The following TNFRSF11A variants were observed in gnomAD, a reference collection of about 807,000 sequenced individuals.
TNFRSF11A encodes TNF receptor superfamily member 11a, also known as tumor necrosis factor receptor superfamily member 11A.
A neutral mutation model predicts 55.7 loss-of-function variants in TNFRSF11A; 32 were observed. The ratio of observed to expected loss-of-function variants is 0.57; its 90% confidence interval spans 0.43 to 0.77. TNFRSF11A has a LOEUF of 0.77. Among genes scored for constraint, TNFRSF11A ranks in the 30% least tolerant of loss-of-function variants. The pLI is 0.00. For missense variants in TNFRSF11A, 753 were observed against 809.8 expected (o/e 0.93, Z 0.85); for synonymous variants, 311 against 331.0 (o/e 0.94, Z 0.65).
chr18:62,337,792 T>A (rs1206959877), intron 1 of TNFRSF11A, among the ~76,000 whole-genome samples: 4 of 152,230 alleles, frequency 2.6e-5, no homozygotes, highest in African/African-American at 9.7e-5. Flanking sequence ...AAGCCAGGAC[T>A]CTCTCGGTTG....
intron 1 of TNFRSF11A, 49 bp from the exon 2 acceptor site, chr18:62,348,119 C>A: frequency 7.1e-7 from 1 of 1,412,000 alleles, no homozygotes; most frequent in Non-Finnish European, 1.0e-6. Flanking sequence ...CTAGTTTTAT[C>A]CAGAAAGAGC....
intron 1 of TNFRSF11A, among the ~76,000 whole-genome samples, chr18:62,326,633 C>T (rs2046080134): frequency 6.6e-6 from 1 of 152,218 alleles, no homozygotes; most frequent in Non-Finnish European, 1.5e-5. Flanking sequence ...TCTCTCACTG[C>T]TGTCGCAAAA....
At chr18:62,344,833 A>G (rs573217416) in intron 1 of TNFRSF11A, among the ~76,000 whole-genome samples, 1 of 152,344 alleles carries the variant, frequency 6.6e-6, no homozygotes, top group East Asian at 1.9e-4. Flanking sequence ...TCATTCATGC[A>G]CACAAAAAAA....
At chr18:62,381,288 A>G (rs548521023) in intron 9 of TNFRSF11A, among the ~76,000 whole-genome samples, 1 of 152,350 alleles carries the variant, frequency 6.6e-6, no homozygotes, top group South Asian at 2.1e-4. Flanking sequence ...ATGGCATGGA[A>G]TGAAATTCTC....
chr18:62,338,927 C>T (rs963030464), intron 1 of TNFRSF11A, among the ~76,000 whole-genome samples: 6 of 152,172 alleles, frequency 3.9e-5, no homozygotes, highest in Admixed American at 1.3e-4. Context: ...CCCTTTCTCG[C>T]CTCCCGAAAT....
In TNFRSF11A at chr18:62,385,092, G is replaced by GCAGCCTCTGCCC; in HGVS notation, c.*64_*75dup. ...AGCCAGGGCTCGCGAGGGCAGCACC[G>GCAGCCTCTGCCC]CAGCCTCTGCCCCAGCCCCGGCCAC... On this transcript the variant is annotated 3_prime_UTR_variant, in exon 10 of 10. Coordinates refer to ENST00000586569, the MANE Select transcript of TNFRSF11A (RefSeq NM_003839.4). The GCAGCCTCTGCCC allele has an allele frequency of 7.2e-7, 1 of 1,395,464 alleles. No homozygotes were observed. Among genetic ancestry groups the GCAGCCTCTGCCC allele is most frequent in the Non-Finnish European group, 9.2e-7 (1 of 1,084,044 alleles). 86.4% of individuals were successfully genotyped at this position (1,395,464 alleles called of 1,614,324 possible). A position where few individuals can be genotyped will look rare whatever the true frequency, so the allele number is the denominator to read the frequency against.
intron 3 of TNFRSF11A, among the ~76,000 whole-genome samples, chr18:62,351,633 GC>G (rs144856465): frequency 0.043 from 6,606 of 152,220 alleles, 217 homozygotes; most frequent in Admixed American, 0.09. Flanking sequence ...TAAAGTTACT[GC>G]ATTTATCCTG....
At chr18:62,372,545 G>C (rs1169744439) in intron 9 of TNFRSF11A, among the ~76,000 whole-genome samples, 1 of 151,754 alleles carries the variant, frequency 6.6e-6, no homozygotes, top group Non-Finnish European at 1.5e-5. Flanking sequence ...TTAGATTCAG[G>C]GTACATGTGC....
chr18:62,352,398 T>C (rs1196596763), intron 3 of TNFRSF11A, among the ~76,000 whole-genome samples: 1 of 152,254 alleles, frequency 6.6e-6, no homozygotes, highest in Non-Finnish European at 1.5e-5. Context: ...TTTTCTAATG[T>C]GCTGGAGACA....
At chr18:62,352,567 G>T (rs1288990145) in intron 3 of TNFRSF11A, among the ~76,000 whole-genome samples, 2 of 152,174 alleles carry the variant, frequency 1.3e-5, no homozygotes, top group African/African-American at 2.4e-5. Context: ...GTTGATTAAA[G>T]CCAAAAATCT....
chr18:62,360,810 T>A (rs1409496466), intron 6 of TNFRSF11A, among the ~76,000 whole-genome samples: 1 of 152,134 alleles, frequency 6.6e-6, no homozygotes, highest in Non-Finnish European at 1.5e-5. Context: ...GGCTGGTTAC[T>A]TGGTGAGCAG....
At chr18:62,352,452 G>A (rs1305930249) in intron 3 of TNFRSF11A, among the ~76,000 whole-genome samples, 2 of 152,200 alleles carry the variant, frequency 1.3e-5, no homozygotes, top group Non-Finnish European at 2.9e-5. Context: ...AAACTCCACT[G>A]AGCAGAAGCA....
At chr18:62,359,231 C>G (rs1009128690) in intron 5 of TNFRSF11A, among the ~76,000 whole-genome samples, 1 of 151,586 alleles carries the variant, frequency 6.6e-6, no homozygotes, top group South Asian at 2.1e-4. Flanking sequence ...CATTTTTAAA[C>G]AATGAAAATT....
At chr18:62,335,129 A>ATTTTTTTTTTTTTTTTTTTTTTTTT (rs11289576) in intron 1 of TNFRSF11A, among the ~76,000 whole-genome samples, 4 of 140,722 alleles carry the variant, frequency 2.8e-5, no homozygotes, top group Non-Finnish European at 4.6e-5. Context: ...TGGGGTCGGA[A>ATTTTTTTTTTTTTTTTTTTTTTTTT]TTTTTTTTTT....
At chr18:62,355,939 C>T (rs1156899045) in intron 4 of TNFRSF11A, among the ~76,000 whole-genome samples, 2 of 152,146 alleles carry the variant, frequency 1.3e-5, no homozygotes, top group African/African-American at 4.8e-5. Context: ...CTTTCAGTAC[C>T]TTCTGATTTA....
At chr18:62,327,760 T>C (rs2046096540) in intron 1 of TNFRSF11A, among the ~76,000 whole-genome samples, 3 of 152,268 alleles carry the variant, frequency 2.0e-5, no homozygotes, top group African/African-American at 7.2e-5. Flanking sequence ...TTTAGTTTCA[T>C]TTTTATTATA....
In TNFRSF11A at chr18:62,368,858, G is replaced by A. The variant is rs866828586; in HGVS notation, c.941G>A (p.Gly314Glu). ...QGGVCQGTCV[G>E]GGPYAQGEDA... ...GGTGTCTGTCAGGGCACATGTGTAGGAGGTGGTCCCTACGCACAAGGCGAA... is the reference window on the plus strand; with the variant it reads ...GGTGTCTGTCAGGGCACATGTGTAGAAGGTGGTCCCTACGCACAAGGCGAA... The change falls in exon 9 of 10, where the codon GGA (glycine) becomes GAA (glutamate). Residue 314 changes from glycine to glutamate, a missense_variant. Physicochemically the swap from Gly to Glu is moderately conservative, Grantham distance 98 (BLOSUM62 -2). Coordinates refer to ENST00000586569, the MANE Select transcript of TNFRSF11A (RefSeq NM_003839.4). The A allele has an allele frequency of 6.2e-7, 1 of 1,614,156 alleles. No individual in the cohort carries two copies. Among genetic ancestry groups the A allele is most frequent in the Non-Finnish European group, 8.5e-7 (1 of 1,180,024 alleles).
At chr18:62,381,319 A>G (rs190907709) in intron 9 of TNFRSF11A, among the ~76,000 whole-genome samples, 2 of 152,348 alleles carry the variant, frequency 1.3e-5, no homozygotes, top group African/African-American at 4.8e-5. Flanking sequence ...ACTTTACACA[A>G]ACCATAGGTT....
chr18:62,390,774 T>A lies in TNFRSF11A; in HGVS notation c.*5740T>A, dbSNP rs543852492. 1.2e-4 allele frequency: 18 copies of A among 152,264 alleles called. No homozygotes were observed. Among genetic ancestry groups the A allele is most frequent in the Non-Finnish European group, 2.4e-4 (16 of 68,006 alleles). The allele number at this position is 152,264 out of a possible 1,614,324, so 9.4% of individuals were successfully genotyped here. A position where few individuals can be genotyped will look rare whatever the true frequency, so the allele number is the denominator to read the frequency against. On this transcript the variant is annotated 3_prime_UTR_variant, in exon 10 of 10. Transcript: ENST00000586569. The stretch of plus-strand genomic sequence containing the variant: ...CTCTCTTTCAATGACAAAGAAACCA[T>A]TAAAATGAATGTTTAAAGTTCTTAG...
Sources: gnomAD v4.1 joint callset for allele counts (sites outside exome capture counted in the v4.1 genomes callset) on GRCh38, gnomAD v4.1.1 for gene constraint, MANE v1.5 for transcripts, NCBI Gene and HGNC (gene_info 2026-07-23, HGNC 2026-07-21) for gene names.